Variants in SOX5 observed in about 807,000 individuals in gnomAD.
The protein encoded by SOX5 is transcription factor SOX-5.
SOX5 carries 9 observed loss-of-function variants against 92.0 expected under a neutral mutation model. The ratio of observed to expected loss-of-function variants is 0.10; its 90% CI spans 0.06 to 0.17. SOX5 has a LOEUF of 0.17. SOX5 is among the 10% of genes least tolerant of loss of function. The pLI is 1.00. For synonymous variants in SOX5, 344 were observed against 336.3 expected, an observed-to-expected ratio of 1.02 and a Z score of -0.25; for missense variants, 642 against 944.5, an observed-to-expected ratio of 0.68 and a Z score of 4.20.
intron 1 of SOX5, among the ~76,000 whole-genome samples, chr12:24,504,537 T>G (rs1404278050): frequency 2.0e-5 from 3 of 152,184 alleles, no homozygotes; most frequent in Non-Finnish European, 4.4e-5. Context: ...ATGCCACCAT[T>G]TCTTTCATGA....
chr12:24,348,681 G>C (rs1045984613), intron 2 of SOX5, among the ~76,000 whole-genome samples: 1 of 152,098 alleles, frequency 6.6e-6, no homozygotes, highest in Non-Finnish European at 1.5e-5. Context: ...ACCACACCCA[G>C]CCTGCTCTGT....
intron 4 of SOX5, among the ~76,000 whole-genome samples, chr12:24,175,140 ATTAAAG>A (rs548547415): frequency 1.8e-4 from 27 of 152,228 alleles, no homozygotes; most frequent in Non-Finnish European, 2.8e-4. Context: ...GTACATGGCA[ATTAAAG>A]TTAAATATTC....
At chr12:24,444,270 A>ATGTGTGTGTGTG (rs56206607) in intron 1 of SOX5, among the ~76,000 whole-genome samples, 28 of 149,242 alleles carry the variant, frequency 1.9e-4, no homozygotes, top group Admixed American at 1.3e-3. Flanking sequence ...AGGCCACTGA[A>ATGTGTGTGTGTG]TGTGTGTGTG....
chr12:24,054,853 A>G (rs1957942861), intron 4 of SOX5, among the ~76,000 whole-genome samples: 1 of 152,230 alleles, frequency 6.6e-6, no homozygotes, highest in African/African-American at 2.4e-5. Flanking sequence ...AACCTTGTTT[A>G]AAAGTATCAG....
At chr12:24,119,965 GT>G (rs962407110) in intron 4 of SOX5, among the ~76,000 whole-genome samples, 4 of 152,152 alleles carry the variant, frequency 2.6e-5, no homozygotes, top group African/African-American at 9.7e-5. Flanking sequence ...CATTGCGATG[GT>G]TGTTAAATTC....
intron 4 of SOX5, among the ~76,000 whole-genome samples, chr12:24,183,350 A>C (rs1260208119): frequency 6.6e-6 from 1 of 152,168 alleles, no homozygotes; most frequent in Non-Finnish European, 1.5e-5. Flanking sequence ...AAGACACCAT[A>C]ATCAGCATGC....
chr12:24,185,628 TA>T (rs1316034176), intron 4 of SOX5, among the ~76,000 whole-genome samples: 1 of 152,160 alleles, frequency 6.6e-6, no homozygotes, highest in African/African-American at 2.4e-5. Context: ...TTTTGCTACT[TA>T]CTACCTGTGT....
intron 4 of SOX5, among the ~76,000 whole-genome samples, chr12:24,139,380 A>G (rs1249765383): frequency 6.6e-6 from 1 of 152,302 alleles, no homozygotes; most frequent in East Asian, 1.9e-4. Context: ...CAAGAAGCCC[A>G]TTACTGTCTG....
At chr12:24,329,349 G>T (rs555871035) in intron 2 of SOX5, among the ~76,000 whole-genome samples, 1 of 152,132 alleles carries the variant, frequency 6.6e-6, no homozygotes, top group Non-Finnish European at 1.5e-5. Context: ...CTTACATGGC[G>T]GCAGGCGAGA....
At chr12:24,478,073 C>T (rs1156884018) in intron 1 of SOX5, among the ~76,000 whole-genome samples, 1 of 152,112 alleles carries the variant, frequency 6.6e-6, no homozygotes, top group African/African-American at 2.4e-5. Flanking sequence ...TTGTCTAACA[C>T]CTAAGGAATT....
intron 4 of SOX5, among the ~76,000 whole-genome samples, chr12:23,748,498 T>C (rs1428143759): frequency 6.6e-6 from 1 of 151,986 alleles, no homozygotes; most frequent in Non-Finnish European, 1.5e-5. Context: ...GATAAATGGC[T>C]TGAAATCAAA....
chr12:23,951,701 T>A (rs1395197949), upstream of SOX5, among the ~76,000 whole-genome samples: 1 of 152,076 alleles, frequency 6.6e-6, no homozygotes, highest in Non-Finnish European at 1.5e-5. Context: ...TTTAAGCATG[T>A]CACTATGGAG....
chr12:24,101,161 C>A (rs1390179953), intron 4 of SOX5, among the ~76,000 whole-genome samples: 3 of 152,114 alleles, frequency 2.0e-5, no homozygotes, highest in Non-Finnish European at 4.4e-5. Flanking sequence ...AACTAAACTT[C>A]AAACCAAGTC....
chr12:23,963,346 T>C (rs1465401133), intron 4 of SOX5, among the ~76,000 whole-genome samples: 1 of 152,202 alleles, frequency 6.6e-6, no homozygotes, highest in African/African-American at 2.4e-5. Flanking sequence ...TTCTATTACT[T>C]CAAAAAGAGT....
chr12:23,914,693 G>A (rs2097394018), intron 1 of SOX5, among the ~76,000 whole-genome samples: 1 of 152,050 alleles, frequency 6.6e-6, no homozygotes, highest in Non-Finnish European at 1.5e-5. Flanking sequence ...TAAAGTAATT[G>A]TTTTTAAATT....
intron 4 of SOX5, among the ~76,000 whole-genome samples, chr12:24,025,231 G>C (rs1258618011): frequency 2.6e-5 from 4 of 151,984 alleles, no homozygotes; most frequent in African/African-American, 9.7e-5. Context: ...TAACATGAGA[G>C]TGAGAAATGG....
upstream of SOX5, among the ~76,000 whole-genome samples, chr12:23,952,206 G>A (rs1945746784): frequency 6.6e-6 from 1 of 152,106 alleles, no homozygotes; most frequent in African/African-American, 2.4e-5. Flanking sequence ...TCAGGAAGAG[G>A]AGGAGGCGGG....
At chr12:24,418,307 A>T (rs1341461572) in intron 1 of SOX5, among the ~76,000 whole-genome samples, 1 of 152,194 alleles carries the variant, frequency 6.6e-6, no homozygotes, top group African/African-American at 2.4e-5. Flanking sequence ...AGATTCTGCA[A>T]AGTTTAAGGC....
intron 8 of SOX5, among the ~76,000 whole-genome samples, chr12:23,636,824 C>T (rs2079314544): frequency 6.6e-6 from 1 of 152,104 alleles, no homozygotes; most frequent in African/African-American, 2.4e-5. Flanking sequence ...GCAATGCCTC[C>T]AAAGTTTAAC....
Sources: allele counts gnomAD v4.1 joint callset (sites outside exome capture counted in the v4.1 genomes callset), GRCh38; gene constraint gnomAD v4.1.1; transcripts MANE v1.5; gene names NCBI Gene and HGNC (gene_info 2026-07-23, HGNC 2026-07-21).